ODAD4: variants seen among roughly 807,000 people sequenced by gnomAD.
ODAD4 encodes outer dynein arm docking complex subunit 4.
Under a neutral mutation model 51.8 loss-of-function variants are expected in ODAD4, and 49 were observed. The observed-to-expected ratio is 0.95, with a 90% CI of 0.75 to 1.20. The LOEUF (loss-of-function observed/expected upper bound fraction) is 1.20, where lower values mean the gene tolerates loss of function less well. Ranked by LOEUF, ODAD4 falls within the 50% of genes most tolerant of loss-of-function variation. The probability of loss-of-function intolerance (pLI) is 0.00; values close to 1 mark genes in which losing one functional copy is unlikely to be tolerated. For synonymous variants in ODAD4, 235 were observed against 221.3 expected (o/e 1.06, Z -0.55); for missense variants, 590 against 586.5 (o/e 1.01, Z -0.06).
Position 41,935,223 on chromosome 17 carries a change from T to A in ODAD4, c.121T>A (p.Tyr41Asn). The A allele has an allele frequency of 6.2e-7, 1 of 1,613,968 alleles. No individual in the cohort carries two copies. The highest frequency in any genetic ancestry group is 8.5e-7 in the Non-Finnish European group (1 of 1,179,900). ...TGACTGGTTTCTTTGTCAGGCTCTT[T>A]ACCTTCAGGATGGAGACAAGAACTG... is the stretch of plus-strand genomic sequence containing the variant. Reference protein sequence around the residue: ...KAAQSFSNALYLQDGDKNCLV... With the variant: ...KAAQSFSNALNLQDGDKNCLV... The change falls in exon 2 of 12, where the codon TAC becomes AAC. Residue 41 changes from tyrosine to asparagine, a missense_variant. Transcript: ENST00000377540.
At chr17:41,932,658 C>G (rs1203280056) in intron 1 of ODAD4, among the ~76,000 whole-genome samples, 1 of 152,050 alleles carries the variant, frequency 6.6e-6, no homozygotes, top group East Asian at 1.9e-4. Flanking sequence ...GATCCTCCCA[C>G]CTTAGTGTTC....
intron 9 of ODAD4, among the ~76,000 whole-genome samples, chr17:41,949,745 T>C (rs2050629894): frequency 6.6e-6 from 1 of 152,184 alleles, no homozygotes; most frequent in Non-Finnish European, 1.5e-5. Flanking sequence ...CGATCTCGGC[T>C]CATTGCAACC....
chr17:41,951,525 C>G (rs988887751), intron 9 of ODAD4, among the ~76,000 whole-genome samples: 1 of 150,662 alleles, frequency 6.6e-6, no homozygotes, highest in East Asian at 2.0e-4. Flanking sequence ...CTGCAACCTC[C>G]GCCTCCCGGG....
At chr17:41,951,110 A>G (rs1424598399) in intron 9 of ODAD4, among the ~76,000 whole-genome samples, 1 of 146,218 alleles carries the variant, frequency 6.8e-6, no homozygotes, top group Non-Finnish European at 1.5e-5. Context: ...TTTGAGATGG[A>G]GTCTTGCTCT....
intron 3 of ODAD4, 57 bp downstream of exon 3, chr17:41,935,806 T>G (rs2050418334): frequency 2.1e-5 from 34 of 1,598,896 alleles, no homozygotes; most frequent in Non-Finnish European, 2.9e-5. Context: ...ATCCTTAGGT[T>G]TAGAGGAAGG....
At chr17:41,944,391 T>TACACACACAC (rs1158342629) in intron 7 of ODAD4, among the ~76,000 whole-genome samples, 103 of 78,690 alleles carry the variant, frequency 1.3e-3, no homozygotes, top group Middle Eastern at 0.013. Flanking sequence ...CAAACACACA[T>TACACACACAC]ACACACACAC....
intron 11 of ODAD4, among the ~76,000 whole-genome samples, chr17:41,964,207 C>T (rs2050844209): frequency 1.3e-5 from 2 of 152,120 alleles, no homozygotes; most frequent in South Asian, 4.2e-4. Context: ...ATTACAGGCG[C>T]CTGCCACCAT....
In ODAD4 at chr17:41,944,431, CACACACACACACA is replaced by C. The variant is rs1197293251; in HGVS notation, c.1059-704_1059-692del. Among the ~76,000 whole-genome samples the C allele has an allele frequency of 7.3e-3, 40 of 5,488 alleles. 1 individual carries two copies. The highest frequency in any genetic ancestry group is 0.026 in the East Asian group (1 of 38). 3.6% of individuals were successfully genotyped at this position (5,488 alleles called of 152,430 possible). ...ACACACACACACACACACACACACA[CACACACACACACA>C]CCCCCCCGCATACACAGAAATTGCC... is the stretch of plus-strand genomic sequence containing the variant. On this transcript the variant is annotated intron_variant, in intron 7 of 11. Coordinates refer to ENST00000377540, the MANE Select transcript of ODAD4 (RefSeq NM_031421.5).
Position 41,961,526 on chromosome 17 carries a change from C to G in ODAD4, c.1528+60C>G, listed in dbSNP as rs1302034325. The G allele has an allele frequency of 7.0e-6, 5 of 714,492 alleles. No homozygotes were observed. The African/African-American group carries it at 8.8e-5, about 13-fold the overall frequency. 44.3% of individuals were successfully genotyped at this position (714,492 alleles called of 1,614,324 possible). On this transcript the variant is annotated intron_variant, in intron 11 of 11. Transcript: ENST00000377540. The stretch of plus-strand genomic sequence containing the variant: ...CATTCTCCCTCTGCTTTCTTTTCCT[C>G]TAGTCCGAGACACATGCGACAGCAG...
At chr17:41,951,612 G>A (rs890043513) in intron 9 of ODAD4, among the ~76,000 whole-genome samples, 12 of 151,358 alleles carry the variant, frequency 7.9e-5, no homozygotes, top group African/African-American at 2.4e-4. Context: ...GGACAGGCAC[G>A]GTGGCTCACG....
intron 7 of ODAD4, 44 bp downstream of exon 7, chr17:41,939,216 G>A (rs782727594): frequency 3.2e-6 from 5 of 1,552,190 alleles, no homozygotes; most frequent in South Asian, 1.2e-5. Context: ...CTACGGAGAA[G>A]GACACCTGGG....
At chr17:41,934,643 C>T (rs564208798) in intron 1 of ODAD4, among the ~76,000 whole-genome samples, 2 of 152,296 alleles carry the variant, frequency 1.3e-5, no homozygotes, top group African/African-American at 4.8e-5. Context: ...TGAGCCACCA[C>T]TCCCAGCCTT....
intron 7 of ODAD4, among the ~76,000 whole-genome samples, chr17:41,942,218 G>A (rs1305349685): frequency 7.9e-5 from 12 of 152,164 alleles, no homozygotes; most frequent in African/African-American, 2.4e-4. Context: ...TGACAGGTGT[G>A]AGCCACCATG....
rs1598080103 is a variant in ODAD4 at position 41,945,242 on chromosome 17, C to G, written c.1145+20C>G. 1 of 1,585,730 alleles carries G rather than the reference C, an allele frequency of 6.3e-7. No individual in the cohort carries two copies. The highest frequency in any genetic ancestry group is 2.2e-5 in the East Asian group (1 of 44,686). On this transcript the variant is annotated intron_variant, in intron 8 of 11. Coordinates refer to ENST00000377540, the MANE Select transcript of ODAD4 (RefSeq NM_031421.5). Reference sequence around the variant, plus strand: ...TGACACGTGAGTGACCAAGAATTGCCTCTTCCCCACCTCCATGGTTAGAAC... The same window carrying G: ...TGACACGTGAGTGACCAAGAATTGCGTCTTCCCCACCTCCATGGTTAGAAC...
rs1290308285 is a variant in ODAD4, at chr17:41,930,762, T to A, written c.39T>A (p.Phe13Leu). 6.2e-7 allele frequency: 1 copy of A among 1,611,270 alleles called. No individual in the cohort carries two copies. The highest frequency in any genetic ancestry group is 8.5e-7 in the Non-Finnish European group (1 of 1,178,712). Reference protein sequence around the residue: ...DPEGETLRSTFPSYMAEGERL... With the variant: ...DPEGETLRSTLPSYMAEGERL... ...AAGGCGAGACCTTGCGAAGCACCTT[T>A]CCCTCTTATATGGCCGAAGGCGAGC... Residue 13 changes from phenylalanine to leucine, a missense_variant, in exon 1 of 12, where the codon TTT (phenylalanine) becomes TTA (leucine). Transcript: ENST00000377540.
chr17:41,934,519 T>C (rs186186845), intron 1 of ODAD4, among the ~76,000 whole-genome samples: 81 of 151,714 alleles, frequency 5.3e-4, no homozygotes, highest in Admixed American at 5.9e-4. Flanking sequence ...GCCCAGCTAA[T>C]TTTTTTGTAT....
At chr17:41,956,560 C>G (rs1345341145) in intron 10 of ODAD4, among the ~76,000 whole-genome samples, 3 of 137,342 alleles carry the variant, frequency 2.2e-5, no homozygotes, top group South Asian at 2.5e-4. Flanking sequence ...CAACGTGTTG[C>G]TGGGACTCGG....
intron 9 of ODAD4, among the ~76,000 whole-genome samples, chr17:41,951,166 C>T (rs2050646039): frequency 6.6e-6 from 1 of 151,162 alleles, no homozygotes; most frequent in African/African-American, 2.4e-5. Flanking sequence ...CTCACTGCAA[C>T]CTCCGCCTCC....
At chr17:41,935,113 G>A in intron 1 of ODAD4, 104 bp from the exon 2 acceptor site, 1 of 1,348,606 alleles carries the variant, frequency 7.4e-7, no homozygotes, top group Non-Finnish European at 1.0e-6. Flanking sequence ...TTTCTTCAGA[G>A]CCTGAAGAAA....
Sources: allele counts gnomAD v4.1 joint callset (sites outside exome capture counted in the v4.1 genomes callset), GRCh38; gene constraint gnomAD v4.1.1; transcripts MANE v1.5; gene names NCBI Gene and HGNC (gene_info 2026-07-23, HGNC 2026-07-21).